The following PPP2R5A variants were observed in gnomAD, a reference collection of about 807,000 sequenced individuals.
PPP2R5A encodes protein phosphatase 2 regulatory subunit B'alpha.
In PPP2R5A, 25 loss-of-function variants were observed where a neutral mutation model predicts 64.2. The observed-to-expected ratio is 0.39, with a 90% CI of 0.28 to 0.54. The LOEUF (loss-of-function observed/expected upper bound fraction) is 0.54, where lower values mean the gene tolerates loss of function less well. Ranked by LOEUF, PPP2R5A falls within the 20% of genes least tolerant of loss-of-function variation. The pLI is 0.67. For missense variants in PPP2R5A, 425 were observed against 576.3 expected (o/e 0.74, Z 2.69); for synonymous variants, 198 against 201.2 (o/e 0.98, Z 0.13).
intron 1 of PPP2R5A, among the ~76,000 whole-genome samples, chr1:212,300,349 G>T (rs1242306184): frequency 6.6e-6 from 1 of 152,128 alleles, no homozygotes; most frequent in African/African-American, 2.4e-5. Context: ...TACTTGCTGT[G>T]AGTCATCAGC....
intron 12 of PPP2R5A, among the ~76,000 whole-genome samples, chr1:212,359,753 A>T (rs1660047699): frequency 6.6e-6 from 1 of 152,214 alleles, no homozygotes; most frequent in Non-Finnish European, 1.5e-5. Flanking sequence ...ATTAATAACT[A>T]ACTCAATGCA....
chr1:212,343,418 G>T (rs1025633877), intron 4 of PPP2R5A, among the ~76,000 whole-genome samples: 21 of 152,132 alleles, frequency 1.4e-4, no homozygotes, highest in Non-Finnish European at 2.6e-4. Flanking sequence ...CCTTCAGACC[G>T]CTTTGTATGT....
intron 1 of PPP2R5A, among the ~76,000 whole-genome samples, chr1:212,327,123 C>G (rs974597858): frequency 6.6e-6 from 1 of 152,126 alleles, no homozygotes; most frequent in East Asian, 1.9e-4. Flanking sequence ...AGGTTATCAT[C>G]TTTATGAAGA....
At chr1:212,334,795 T>G (rs561008259) in intron 3 of PPP2R5A, among the ~76,000 whole-genome samples, 25 of 151,940 alleles carry the variant, frequency 1.6e-4, no homozygotes, top group African/African-American at 5.8e-4. Flanking sequence ...GAAAAGTCGT[T>G]TTTCTTTTGC....
At chr1:212,332,907 A>T (rs60811328) in intron 2 of PPP2R5A, among the ~76,000 whole-genome samples, 1,456 of 145,506 alleles carry the variant, frequency 0.01, 18 homozygotes, top group African/African-American at 0.027. Flanking sequence ...TTTTATTTTT[A>T]TTTTTATTTT....
At chr1:212,347,303 T>C (rs759015295) in intron 5 of PPP2R5A, 44 bp from the exon 6 acceptor site, 2 of 1,389,486 alleles carry the variant, frequency 1.4e-6, no homozygotes, top group South Asian at 2.5e-5. Context: ...CTTAGTTTTC[T>C]GAAGTTTGAT....
At chr1:212,358,616 G>C (rs1660025967) in intron 11 of PPP2R5A, 70 bp from the exon 12 acceptor site, 1 of 1,141,836 alleles carries the variant, frequency 8.8e-7, no homozygotes, top group Non-Finnish European at 1.3e-6. Context: ...ACCCATTTTA[G>C]AGACCATAGT....
intron 1 of PPP2R5A, among the ~76,000 whole-genome samples, chr1:212,292,344 T>C (rs1379640113): frequency 2.0e-5 from 3 of 152,234 alleles, no homozygotes; most frequent in Non-Finnish European, 2.9e-5. Flanking sequence ...CAGAATGAGA[T>C]GGTGAATTTT....
chr1:212,325,887 A>G (rs1659400967), intron 1 of PPP2R5A, among the ~76,000 whole-genome samples: 1 of 152,192 alleles, frequency 6.6e-6, no homozygotes, highest in Admixed American at 6.5e-5. Context: ...CTAAGTACCA[A>G]TATCAAGCAG....
intron 1 of PPP2R5A, among the ~76,000 whole-genome samples, chr1:212,311,852 C>G (rs573185052): frequency 1.2e-4 from 18 of 152,056 alleles, no homozygotes; most frequent in Non-Finnish European, 8.8e-5. Flanking sequence ...TATGTTATTG[C>G]AAAAGAGTAA....
At chr1:212,352,746 G>A (rs955449818) in intron 8 of PPP2R5A, 1 of 516,582 alleles carries the variant, frequency 1.9e-6, no homozygotes, top group Admixed American at 2.0e-5. Flanking sequence ...CACCATGCCT[G>A]GCCTGCATTC....
intron 5 of PPP2R5A, 60 bp downstream of exon 5, chr1:212,345,993 A>G (rs900142915): frequency 6.8e-6 from 10 of 1,477,702 alleles, no homozygotes; most frequent in Non-Finnish European, 9.1e-6. Flanking sequence ...CTTGTATTCA[A>G]GTTCTTTTAT....
At chr1:212,321,122 T>A (rs560780842) in intron 1 of PPP2R5A, among the ~76,000 whole-genome samples, 1,951 of 95,394 alleles carry the variant, frequency 0.02, 103 homozygotes, top group African/African-American at 0.072. Flanking sequence ...GGGGCTCCTC[T>A]CTTCCCAGTA....
chr1:212,318,823 A>G (rs1337713844), intron 1 of PPP2R5A, among the ~76,000 whole-genome samples: 2 of 152,210 alleles, frequency 1.3e-5, no homozygotes, highest in East Asian at 3.8e-4. Flanking sequence ...GGTATAAGTA[A>G]TATAGACATG....
intron 1 of PPP2R5A, among the ~76,000 whole-genome samples, chr1:212,312,863 T>C (rs72752391): frequency 0.023 from 3,449 of 152,256 alleles, 46 homozygotes; most frequent in African/African-American, 0.027. Context: ...AATATATAAA[T>C]AGAATGAGAT....
At chr1:212,309,398 G>A (rs1220019012) in intron 1 of PPP2R5A, 15 of 1,432,254 alleles carry the variant, frequency 1.0e-5, no homozygotes, top group East Asian at 2.3e-5. Flanking sequence ...GGTGACGTGC[G>A]GATCTTCTTT....
At chr1:212,327,561 C>T (rs1265382430) in intron 1 of PPP2R5A, among the ~76,000 whole-genome samples, 1 of 150,934 alleles carries the variant, frequency 6.6e-6, no homozygotes, top group Non-Finnish European at 1.5e-5. Context: ...ATTACAGGCG[C>T]CCGCCACCAC....
chr1:212,305,581 C>T (rs1658884180), intron 1 of PPP2R5A, among the ~76,000 whole-genome samples: 1 of 152,046 alleles, frequency 6.6e-6, no homozygotes, highest in South Asian at 2.1e-4. Context: ...TATGTGTGTT[C>T]AAAGTCTTCT....
At position 212,349,185 on chromosome 1, in the gene PPP2R5A, T is replaced by C. The variant is rs1420982851; in HGVS notation, c.874-4T>C. 1.3e-6 allele frequency: 2 copies of C among 1,533,634 alleles called. No individual in the cohort carries two copies. Among genetic ancestry groups the C allele is most frequent in the East Asian group, 4.6e-5 (2 of 43,746 alleles). ...ATATTTATAAACTGTCCCTTACCTTTTAGCTAGCATATTGTGTTGTACAGT... is the reference window on the plus strand; with the variant it reads ...ATATTTATAAACTGTCCCTTACCTTCTAGCTAGCATATTGTGTTGTACAGT... On this transcript the variant is annotated splice_region_variant and splice_polypyrimidine_tract_variant and intron_variant, in intron 7 of 12. Transcript: ENST00000261461.
Sources: allele counts gnomAD v4.1 joint callset (sites outside exome capture counted in the v4.1 genomes callset), GRCh38; gene constraint gnomAD v4.1.1; transcripts MANE v1.5; gene names NCBI Gene and HGNC (gene_info 2026-07-23, HGNC 2026-07-21).